Variants in PER1 observed in about 807,000 individuals in gnomAD.
PER1 encodes the protein period circadian protein homolog 1.
A neutral mutation model predicts 125.9 loss-of-function variants in PER1; 87 were observed. The observed-to-expected ratio is 0.69, with a 90% CI of 0.58 to 0.83. The LOEUF (loss-of-function observed/expected upper bound fraction) is 0.83, where lower values mean the gene tolerates loss of function less well. Among genes scored for constraint, PER1 ranks in the 40% least tolerant of loss-of-function variants. PER1 has a pLI of 0.00. For synonymous variants in PER1, 801 were observed against 714.7 expected (o/e 1.12, Z -1.93); for missense variants, 1,775 against 1,722.8 (o/e 1.03, Z -0.54).
chr17:8,142,706 C>A lies in PER1; in HGVS notation c.3202G>T (p.Gly1068Cys). ...TGGGAGCCTGAACCAGACCCAGAGC[C>A]CAAGCCAGAGCCCAAGGAGCCCGAG... is the stretch of plus-strand genomic sequence containing the variant. ...AASGSLGSGL[G>C]SGSGSGSHEG... Residue 1068 changes from glycine to cysteine, a missense_variant, in exon 20 of 23, where the codon GGC becomes TGC. Gly to Cys is a radical substitution (Grantham distance 159). Coordinates refer to ENST00000317276, the MANE Select transcript of PER1 (RefSeq NM_002616.3). 6.2e-7 allele frequency: 1 copy of A among 1,613,988 alleles called. No individual in the cohort carries two copies.
Position 8,143,380 on chromosome 17 carries a change from C to T in PER1, c.2958G>A (p.Leu986=). 1.2e-6 allele frequency: 2 copies of T among 1,613,480 alleles called. No homozygotes were observed. The highest frequency in any genetic ancestry group is 2.2e-5 in the East Asian group (1 of 44,826). ...SRCSSPLQLN[L]LQLEELPRAE... ...CACGGGGGAGCTCCTCCAGCTGCAG[C>T]AGATTGAGCTGGAGTGGAGAGCTGC... is the stretch of plus-strand genomic sequence containing the variant. The change falls in exon 19 of 23, where the codon CTG becomes CTA. Residue 986 remains leucine, a synonymous_variant. Transcript: ENST00000317276.
intron 8 of PER1, among the ~76,000 whole-genome samples, 162 bp downstream of exon 8, chr17:8,148,482 T>C (rs1731981261): frequency 6.6e-6 from 1 of 152,160 alleles, no homozygotes; most frequent in Non-Finnish European, 1.5e-5. Context: ...GGGCACCTTA[T>C]TCAACTCTAC....
chr17:8,142,067 A>G (rs1432786879), intron 21 of PER1, 112 bp from the exon 22 acceptor site: 2 of 1,421,926 alleles, frequency 1.4e-6, no homozygotes, highest in Non-Finnish European at 1.9e-6. Context: ...CTCCTCCCCT[A>G]AACTAGTGCT....
At chr17:8,148,836 C>T in intron 7 of PER1, 50 bp from the exon 8 acceptor site, 2 of 1,601,690 alleles carry the variant, frequency 1.2e-6, no homozygotes, top group Non-Finnish European at 1.7e-6. Context: ...GAGCCACCCA[C>T]TCCTCCAACA....
intron 9 of PER1, 36 bp downstream of exon 9, chr17:8,148,145 C>T (rs763866442): frequency 6.2e-7 from 1 of 1,611,646 alleles, no homozygotes. Context: ...GGCCTCAGCC[C>T]TGGCTGCCCT....
chr17:8,148,554 G>A, intron 8 of PER1, 90 bp downstream of exon 8: 2 of 1,419,264 alleles, frequency 1.4e-6, no homozygotes, highest in Non-Finnish European at 1.9e-6. Context: ...AATTCAAAGG[G>A]TGTGGTTCAT....
intron 7 of PER1, chr17:8,149,005 A>G (rs1211804666): frequency 9.7e-6 from 6 of 619,474 alleles, no homozygotes; most frequent in South Asian, 1.9e-5. Context: ...CCTGGCCAAC[A>G]TGGTGAAACC....
At chr17:8,151,035 G>A (rs1218013029) in intron 1 of PER1, among the ~76,000 whole-genome samples, 190 bp from the exon 2 acceptor site, 2 of 152,200 alleles carry the variant, frequency 1.3e-5, no homozygotes, top group African/African-American at 2.4e-5. Flanking sequence ...AGCGGGAGAA[G>A]GTTCTCCGGG....
rs762438426 is a variant in PER1, at chr17:8,150,728, G to A, written c.-22C>T. 18 of 1,511,952 alleles carry A rather than the reference G, an allele frequency of 1.2e-5. No homozygotes were observed. Among genetic ancestry groups the A allele is most frequent in the Admixed American group, 2.2e-5 (1 of 45,494 alleles). 93.7% of individuals were successfully genotyped at this position (1,511,952 alleles called of 1,614,324 possible). ...TCATGTCTGGGCCATGGGGAGAACA[G>A]AACAGAGAAGGCAGAGAGGCCACCA... On this transcript the variant is annotated 5_prime_UTR_variant, in exon 2 of 23. Transcript: ENST00000317276.
Position 8,149,258 on chromosome 17 carries a change from C to T in PER1, c.905+1G>A. The T allele has an allele frequency of 6.2e-7, 1 of 1,613,108 alleles. No individual in the cohort carries two copies. Reference sequence around the variant, plus strand: ...GGTCTTCTCCAGTTCCCCTCACCTACCTGATACGGCAGAAGACGGACTTCT... The same window carrying T: ...GGTCTTCTCCAGTTCCCCTCACCTATCTGATACGGCAGAAGACGGACTTCT... On this transcript the variant is annotated splice_donor_variant, in intron 7 of 22. Transcript: ENST00000317276. LOFTEE classifies it high-confidence loss of function.
rs1352624452 is a variant in PER1 at position 8,150,775 on chromosome 17, A to C, written c.-69T>G. On this transcript the variant is annotated 5_prime_UTR_variant, in exon 2 of 23. Coordinates refer to ENST00000317276, the MANE Select transcript of PER1 (RefSeq NM_002616.3). ...ACCACGGATGCACGAGGGGGCCTGG[A>C]GGCTTGGCTGAGGGAGTGAGGTGGA... 1.4e-6 allele frequency: 2 copies of C among 1,425,120 alleles called. No individual in the cohort carries two copies. The highest frequency in any genetic ancestry group is 1.4e-5 in the South Asian group (1 of 71,594). The allele number at this position is 1,425,120 out of a possible 1,614,324, so 88.3% of individuals were successfully genotyped here. A position where few individuals can be genotyped will look rare whatever the true frequency, so the allele number is the denominator to read the frequency against.
At chr17:8,149,057 C>G in intron 7 of PER1, 2 of 618,138 alleles carry the variant, frequency 3.2e-6, no homozygotes, top group South Asian at 3.8e-5. Context: ...GGCGTGGTGG[C>G]GCATGCCTGT....
chr17:8,147,762 A>G lies in PER1; in HGVS notation c.1300T>C (p.Tyr434His), dbSNP rs979961518. 18 of 1,613,816 alleles carry G rather than the reference A, an allele frequency of 1.1e-5. No homozygotes were observed. Among genetic ancestry groups the G allele is most frequent in the Non-Finnish European group, 1.4e-5 (17 of 1,179,984 alleles). ...PIRFCARNGEYVTMDTSWAGF... is the reference protein window; with the variant it reads ...PIRFCARNGEHVTMDTSWAGF... Reference sequence around the variant, plus strand: ...GCCCAGCTGGTGTCCATGGTGACATACTCCCCGTTGCGGGCACAGAAGCGG... The same window carrying G: ...GCCCAGCTGGTGTCCATGGTGACATGCTCCCCGTTGCGGGCACAGAAGCGG... Residue 434 changes from tyrosine to histidine, a missense_variant, in exon 11 of 23, where the codon TAT (tyrosine) becomes CAT (histidine). Transcript: ENST00000317276.
Position 8,143,670 on chromosome 17 carries a change from A to G in PER1, c.2668T>C (p.Ser890Pro). The change falls in exon 19 of 23, where the codon TCT becomes CCT. Residue 890 changes from serine (S) to proline (P), a missense_variant. Ser to Pro is a moderately conservative substitution (Grantham distance 74). Coordinates refer to ENST00000317276, the MANE Select transcript of PER1 (RefSeq NM_002616.3). The part of the protein sequence containing the change: ...VVQPYPLPVF[S>P]PRGGPQPLPP... Reference sequence around the variant, plus strand: ...AGAGGCTGGGGGCCTCCTCGAGGAGAGAACACTGGGAGAGGGTAGGGCTGG... The same window carrying G: ...AGAGGCTGGGGGCCTCCTCGAGGAGGGAACACTGGGAGAGGGTAGGGCTGG... 1.4e-6 allele frequency: 2 copies of G among 1,447,882 alleles called. No homozygotes were observed. Among genetic ancestry groups the G allele is most frequent in the Non-Finnish European group, 1.8e-6 (2 of 1,093,824 alleles). 89.7% of individuals were successfully genotyped at this position (1,447,882 alleles called of 1,614,324 possible). A position where few individuals can be genotyped will look rare whatever the true frequency, so the allele number is the denominator to read the frequency against.
chr17:8,152,302 G>A (rs1361951414), intron 1 of PER1, 35 bp downstream of exon 1: 1 of 152,250 alleles, frequency 6.6e-6, no homozygotes, highest in Admixed American at 6.5e-5. Context: ...CTCAGGGACG[G>A]AGATCGGCCC....
chr17:8,142,861 G>A (rs1005037380), intron 19 of PER1, 26 bp from the exon 20 acceptor site: 1 of 1,540,850 alleles, frequency 6.5e-7, no homozygotes, highest in Non-Finnish European at 8.8e-7. Context: ...GGGGCAAGGA[G>A]GGATGGAGGG....
chr17:8,141,453 C>T, intron 22 of PER1, 113 bp from the exon 23 acceptor site: 1 of 1,225,266 alleles, frequency 8.2e-7, no homozygotes, highest in South Asian at 1.5e-5. Context: ...TCCCAAGAAG[C>T]ACCAGTCCAC....
Position 8,144,999 on chromosome 17 carries a change from G to T in PER1, c.2219-6C>A. On this transcript the variant is annotated splice_region_variant and splice_polypyrimidine_tract_variant and intron_variant, in intron 17 of 22. Transcript: ENST00000317276. ...GTCCTCCATCATGATGATGTCTGAG[G>T]AGAGTGAGATAGGGAAAGGTCATCA... is the stretch of plus-strand genomic sequence containing the variant. 6.8e-7 allele frequency: 1 copy of T among 1,473,314 alleles called. No homozygotes were observed. The highest frequency in any genetic ancestry group is 9.0e-7 in the Non-Finnish European group (1 of 1,110,888). 91.3% of individuals were successfully genotyped at this position (1,473,314 alleles called of 1,614,324 possible).
intron 17 of PER1, among the ~76,000 whole-genome samples, chr17:8,145,667 G>C (rs3027188): frequency 0.74 from 112,680 of 152,084 alleles, 43,383 homozygotes; most frequent in Non-Finnish European, 0.86. Context: ...CTTCAGGGAT[G>C]TTCAATTTTC....
Sources: gnomAD v4.1 joint callset for allele counts (sites outside exome capture counted in the v4.1 genomes callset) on GRCh38, gnomAD v4.1.1 for gene constraint, MANE v1.5 for transcripts, NCBI Gene and HGNC (gene_info 2026-07-23, HGNC 2026-07-21) for gene names.